The following WBP2 variants were observed in gnomAD, a reference collection of about 807,000 sequenced individuals.
The protein encoded by WBP2 is WW domain-binding protein 2.
A neutral mutation model predicts 33.0 loss-of-function variants in WBP2; 23 were observed. That is an observed-to-expected ratio of 0.70 (90% CI 0.50 to 0.99). The LOEUF (loss-of-function observed/expected upper bound fraction) is 0.99, where lower values mean the gene tolerates loss of function less well. Ranked by LOEUF, WBP2 falls within the 50% of genes least tolerant of loss-of-function variation. The pLI, the probability that WBP2 is intolerant of heterozygous loss-of-function variation, is 0.00. For synonymous variants in WBP2, 153 were observed against 133.5 expected, an observed-to-expected ratio of 1.15 and a Z score of -1.01; for missense variants, 353 against 358.0, an observed-to-expected ratio of 0.99 and a Z score of 0.11.
rs563326305 is a variant in WBP2 at position 75,850,012 on chromosome 17, T to C, written c.169-273A>G. ...GCAGACTGCTTTGTCACTGACGTGG[T>C]GGGGTGGTGGCAGTGTTGCCTAAGT... On this transcript the variant is annotated intron_variant, in intron 2 of 7. Transcript: ENST00000254806. Among the ~76,000 whole-genome samples, 11 of 152,116 alleles carry C rather than the reference T, an allele frequency of 7.2e-5. No individual in the cohort carries two copies. In the South Asian group the frequency reaches 2.3e-3, roughly 32 times the overall value.
At chr17:75,855,665 C>G (rs371006137), upstream of WBP2, among the ~76,000 whole-genome samples, 2 of 152,242 alleles carry the variant, frequency 1.3e-5, no homozygotes, top group African/African-American at 4.8e-5. Flanking sequence ...TTCAGCCGGA[C>G]GGAAATAAAC....
chr17:75,849,767 G>A (rs1234470709), intron 2 of WBP2, 28 bp from the exon 3 acceptor site: 8 of 1,611,154 alleles, frequency 5.0e-6, no homozygotes, highest in Non-Finnish European at 6.8e-6. Flanking sequence ...GAGGCCATCA[G>A]TACTAGAAGC....
rs959431719 is a variant in WBP2 at position 75,848,505 on chromosome 17, A to G, written c.397+65T>C. ...TGAAAAAGCAAAACGAAAAGGAAGC[A>G]AACTCATACCAAACCCCTACATGTT... On this transcript the variant is annotated intron_variant, in intron 4 of 7. Transcript: ENST00000254806. 3 of 1,497,764 alleles carry G rather than the reference A, an allele frequency of 2.0e-6. No homozygotes were observed. The African/African-American group carries it at 4.2e-5, about 21-fold the overall frequency. The allele number at this position is 1,497,764 out of a possible 1,614,324, so 92.8% of individuals were successfully genotyped here.
At chr17:75,848,853 C>T (rs2065011672) in intron 3 of WBP2, 191 bp from the exon 4 acceptor site, 1 of 612,760 alleles carries the variant, frequency 1.6e-6, no homozygotes, top group East Asian at 2.8e-5. Context: ...GCACTGCAGC[C>T]TGGCCTGGCC....
At position 75,847,820 on chromosome 17, in the gene WBP2, A is replaced by G. The variant is rs200427088; in HGVS notation, c.508T>C (p.Tyr170His). ...ANGMYPCPPG[Y>H]PYPPPPPEFY... Reference sequence around the variant, plus strand: ...CCAGGTGGGGGCGGTGGATAGGGGTAGCCAGGAGGGCAGGGGTACATTCCA... The same window carrying G: ...CCAGGTGGGGGCGGTGGATAGGGGTGGCCAGGAGGGCAGGGGTACATTCCA... Residue 170 changes from tyrosine to histidine, a missense_variant, in exon 5 of 8, where the codon TAC becomes CAC. Coordinates refer to ENST00000254806, the MANE Select transcript of WBP2 (RefSeq NM_012478.4). 9.6e-4 allele frequency: 1,498 copies of G among 1,558,462 alleles called. 6 individuals are homozygous for G. The highest frequency in any genetic ancestry group is 1.0e-3 in the Non-Finnish European group (1,159 of 1,150,776).
At chr17:75,851,768 G>T in intron 1 of WBP2, 92 bp from the exon 2 acceptor site, 4 of 919,510 alleles carry the variant, frequency 4.4e-6, no homozygotes, top group Non-Finnish European at 7.1e-6. Context: ...CAGCTGCCCG[G>T]CACGTCAGCT....
intron 1 of WBP2, among the ~76,000 whole-genome samples, chr17:75,853,918 G>A (rs909546383): frequency 2.3e-4 from 35 of 151,296 alleles, no homozygotes; most frequent in African/African-American, 7.3e-4. Context: ...AGTGGCGGGT[G>A]CCTGTAATGC....
chr17:75,848,017 T>C (rs1373934148), intron 4 of WBP2, 87 bp from the exon 5 acceptor site: 1 of 1,513,306 alleles, frequency 6.6e-7, no homozygotes. Context: ...TGGGAGCTAC[T>C]GGGTCTCAGG....
chr17:75,851,511 C>CA, intron 2 of WBP2, 57 bp downstream of exon 2: 1 of 1,373,972 alleles, frequency 7.3e-7, no homozygotes, highest in Non-Finnish European at 1.0e-6. Context: ...GACTAAGACT[C>CA]ACGTCACCTC....
At position 75,846,559 on chromosome 17, in the gene WBP2, C is replaced by T. The variant is rs1314039167; in HGVS notation, c.*175G>A. On this transcript the variant is annotated 3_prime_UTR_variant, in exon 8 of 8. Transcript: ENST00000254806. This position sits in a 1 kb window ranked among gnomAD's most constrained non-coding sequence, Gnocchi z 4.8. ...CGGGCTGGCATGGGAAGCTGGGCGG[C>T]ACCTCTCCCGAGGCCGGGGGCCCTA... 2.4e-6 allele frequency: 2 copies of T among 820,384 alleles called. No homozygotes were observed. The highest frequency in any genetic ancestry group is 4.0e-6 in the Non-Finnish European group (2 of 500,836). 50.8% of individuals were successfully genotyped at this position (820,384 alleles called of 1,614,324 possible).
Position 75,847,625 on chromosome 17 carries a change from G to T in WBP2, c.533-16C>A. ...GGATAGAACTCTGCTCGGTGAGAGA[G>T]TAACAAGGACATGGTGAGCACCCGG... On this transcript the variant is annotated splice_polypyrimidine_tract_variant and intron_variant, in intron 5 of 7. Transcript: ENST00000254806. 3 of 1,612,980 alleles carry T rather than the reference G, an allele frequency of 1.9e-6. No individual in the cohort carries two copies. Among genetic ancestry groups the T allele is most frequent in the Non-Finnish European group, 2.5e-6 (3 of 1,179,712 alleles).
intron 3 of WBP2, chr17:75,848,910 G>A (rs2065011929): frequency 3.6e-6 from 2 of 551,046 alleles, no homozygotes; most frequent in African/African-American, 3.8e-5. Flanking sequence ...CTCCTTCCTG[G>A]AACAAGCCTG....
At chr17:75,853,105 A>G (rs993912414) in intron 1 of WBP2, among the ~76,000 whole-genome samples, 66 of 152,142 alleles carry the variant, frequency 4.3e-4, no homozygotes, top group African/African-American at 1.5e-3. Context: ...AGTGCAACAT[A>G]GCGTGATCTC....
chr17:75,854,070 A>G (rs1019419509), intron 1 of WBP2, among the ~76,000 whole-genome samples: 33 of 145,784 alleles, frequency 2.3e-4, no homozygotes, highest in East Asian at 3.9e-4. Flanking sequence ...AAAAAAAAAA[A>G]AGAGAAGAGA....
chr17:75,855,204 T>G (rs754909997), intron 1 of WBP2, 35 bp downstream of exon 1: 19 of 1,030,404 alleles, frequency 1.8e-5, no homozygotes, highest in Non-Finnish European at 2.7e-6. Context: ...ACACCCGAAC[T>G]TTGGTCCTCC....
chr17:75,851,909 C>A (rs2065030315), intron 1 of WBP2: 1 of 330,578 alleles, frequency 3.0e-6, no homozygotes, highest in African/African-American at 2.1e-5. Context: ...TGAGACCAGC[C>A]TGGCCAACAT....
intron 2 of WBP2, among the ~76,000 whole-genome samples, chr17:75,851,022 CAGGCAGCAATCCTTTTCCA>C (rs2065024567): frequency 6.6e-6 from 1 of 152,216 alleles, no homozygotes; most frequent in South Asian, 2.1e-4. Flanking sequence ...TGAGTAGCCA[CAGGCAGCAATCCTTTTCCA>C]AGAACATCCA....
intron 4 of WBP2, chr17:75,848,285 G>A: frequency 1.7e-6 from 1 of 585,162 alleles, no homozygotes; most frequent in Admixed American, 3.0e-5. Flanking sequence ...CGAATGGTTG[G>A]TTTAGTGTTT....
chr17:75,855,588 A>C (rs1017330791), upstream of WBP2: 14 of 461,074 alleles, frequency 3.0e-5, no homozygotes, highest in Admixed American at 6.8e-5. Flanking sequence ...AGTCTCCTGG[A>C]TCATAGGCCT....
Sources: gnomAD v4.1 joint callset for allele counts (sites outside exome capture counted in the v4.1 genomes callset) on GRCh38, gnomAD v4.1.1 for gene constraint, Gnocchi (gnomAD v3.1) non-coding constraint, MANE v1.5 for transcripts, NCBI Gene and HGNC (gene_info 2026-07-23, HGNC 2026-07-21) for gene names.